AUTS2: variants seen among roughly 807,000 people sequenced by gnomAD.
The protein encoded by AUTS2 is autism susceptibility gene 2 protein.
In AUTS2, 17 loss-of-function variants were observed where a neutral mutation model predicts 112.4. The ratio of observed to expected loss-of-function variants is 0.15; its 90% confidence interval spans 0.10 to 0.23. The LOEUF (loss-of-function observed/expected upper bound fraction) is 0.23. Ranked by LOEUF, AUTS2 falls within the 10% of genes least tolerant of loss-of-function variation. The pLI is 1.00. For synonymous variants in AUTS2, 751 were observed against 702.7 expected, an observed-to-expected ratio of 1.07 and a Z score of -1.09; for missense variants, 1,510 against 1,701.6, an observed-to-expected ratio of 0.89 and a Z score of 1.98.
intron 5 of AUTS2, among the ~76,000 whole-genome samples, chr7:70,616,630 CA>C (rs1374714577): frequency 6.6e-6 from 1 of 152,064 alleles, no homozygotes; most frequent in East Asian, 1.9e-4. Flanking sequence ...GTGGTCAATA[CA>C]TACTTGGCAA....
At chr7:69,832,379 A>C (rs886865073) in intron 1 of AUTS2, among the ~76,000 whole-genome samples, 1 of 152,206 alleles carries the variant, frequency 6.6e-6, no homozygotes, top group African/African-American at 2.4e-5. Flanking sequence ...TGGTAGTTCT[A>C]GAATGACGTT....
chr7:69,629,062 G>A (rs1440327292), intron 1 of AUTS2, among the ~76,000 whole-genome samples: 1 of 152,208 alleles, frequency 6.6e-6, no homozygotes, highest in Non-Finnish European at 1.5e-5. Context: ...TCGTTTATGA[G>A]AAGTTGGTGG....
intron 2 of AUTS2, among the ~76,000 whole-genome samples, chr7:69,959,593 G>A (rs1245565528): frequency 6.6e-6 from 1 of 151,950 alleles, no homozygotes; most frequent in African/African-American, 2.4e-5. Flanking sequence ...CACTTTCTCG[G>A]ATCATGACCT....
intron 5 of AUTS2, among the ~76,000 whole-genome samples, chr7:70,653,928 C>A (rs1363486073): frequency 6.6e-6 from 1 of 152,086 alleles, no homozygotes; most frequent in Non-Finnish European, 1.5e-5. Context: ...GAATGTTTCC[C>A]TTCAGTAATA....
intron 1 of AUTS2, among the ~76,000 whole-genome samples, chr7:69,659,410 TAAATAATTTAAAGGGATG>T (rs1795683466): frequency 6.6e-6 from 1 of 151,800 alleles, no homozygotes; most frequent in South Asian, 2.1e-4. Context: ...TTTCTCTTAT[TAAATAATTTAAAGGGATG>T]ACATTCAGGG....
intron 2 of AUTS2, among the ~76,000 whole-genome samples, chr7:70,025,731 C>T (rs541662476): frequency 2.0e-5 from 3 of 150,856 alleles, no homozygotes; most frequent in Admixed American, 6.6e-5. Flanking sequence ...GCTGGGATTA[C>T]AGGCGTGAGC....
chr7:69,839,432 A>G (rs932136649), intron 1 of AUTS2, among the ~76,000 whole-genome samples: 1 of 152,112 alleles, frequency 6.6e-6, no homozygotes, highest in Admixed American at 6.6e-5. Context: ...ATTATTCCAG[A>G]TTATAGGCAT....
At chr7:70,324,846 T>C (rs1356074984) in intron 4 of AUTS2, among the ~76,000 whole-genome samples, 6 of 152,260 alleles carry the variant, frequency 3.9e-5, no homozygotes, top group African/African-American at 1.4e-4. Context: ...GTATATTTTT[T>C]CTTAGTTTTC....
rs577294255 is a variant in AUTS2, at chr7:70,156,309, G to A, written c.660+21738G>A. Among the ~76,000 whole-genome samples the A allele has an allele frequency of 1.8e-4, 27 of 152,316 alleles. 1 individual carries two copies. In the South Asian group the frequency reaches 3.5e-3, roughly 20 times the overall value. On this transcript the variant is annotated intron_variant, in intron 4 of 18. Transcript: ENST00000342771. Reference sequence around the variant, plus strand: ...CTGTGCCTATCAAATTTCAGCCAAAGCAATTGCTTTCCCAGAATGCCCTGT... The same window carrying A: ...CTGTGCCTATCAAATTTCAGCCAAAACAATTGCTTTCCCAGAATGCCCTGT...
At chr7:70,578,913 TTTTTTTTTCTTTC>T (rs1411923067) in intron 5 of AUTS2, among the ~76,000 whole-genome samples, 1 of 124,382 alleles carries the variant, frequency 8.0e-6, no homozygotes, top group African/African-American at 3.3e-5. Flanking sequence ...CCTTTCTTTC[TTTTTTTTTCTTTC>T]TTTTTTTTTT....
intron 5 of AUTS2, among the ~76,000 whole-genome samples, chr7:70,682,666 C>T (rs1808269961): frequency 6.6e-6 from 1 of 152,202 alleles, no homozygotes; most frequent in African/African-American, 2.4e-5. Flanking sequence ...GTTTCACTTA[C>T]CTATTATTGC....
At chr7:70,264,407 C>T (rs1787319784) in intron 4 of AUTS2, among the ~76,000 whole-genome samples, 1 of 152,098 alleles carries the variant, frequency 6.6e-6, no homozygotes, top group African/African-American at 2.4e-5. Context: ...AGGGTTTCAC[C>T]ATGTTGGCCA....
chr7:69,827,441 G>A (rs960408697), intron 1 of AUTS2, among the ~76,000 whole-genome samples: 1 of 151,872 alleles, frequency 6.6e-6, no homozygotes, highest in Non-Finnish European at 1.5e-5. Context: ...GGGGGAAAAA[G>A]AAGAGGGGAA....
At chr7:70,247,122 C>T (rs1195542000) in intron 4 of AUTS2, among the ~76,000 whole-genome samples, 1 of 152,028 alleles carries the variant, frequency 6.6e-6, no homozygotes, top group East Asian at 1.9e-4. Context: ...ACTCACATAT[C>T]CATTGACTGA....
At chr7:70,777,795 TA>T (rs2129559315) in intron 14 of AUTS2, among the ~76,000 whole-genome samples, 1 of 152,364 alleles carries the variant, frequency 6.6e-6, no homozygotes, top group South Asian at 2.1e-4. Flanking sequence ...CTTTTGGAAA[TA>T]AAATTATAGT....
chr7:70,344,252 C>T (rs552589185), intron 4 of AUTS2, among the ~76,000 whole-genome samples: 4 of 152,024 alleles, frequency 2.6e-5, no homozygotes, highest in Non-Finnish European at 5.9e-5. Context: ...GAATAGAAAT[C>T]AATGAGACCT....
intron 4 of AUTS2, among the ~76,000 whole-genome samples, chr7:70,269,184 C>A (rs1787569588): frequency 6.6e-6 from 1 of 152,200 alleles, no homozygotes; most frequent in Admixed American, 6.5e-5. Flanking sequence ...GCTCAGGTTT[C>A]TATCAATCCT....
chr7:70,054,483 G>T (rs1801902928), intron 2 of AUTS2, among the ~76,000 whole-genome samples: 1 of 152,090 alleles, frequency 6.6e-6, no homozygotes, highest in Non-Finnish European at 1.5e-5. Context: ...TTGCCTGCCT[G>T]TGTTCTCCTT....
intron 4 of AUTS2, among the ~76,000 whole-genome samples, chr7:70,149,252 A>G (rs1273178183): frequency 1.3e-5 from 2 of 152,060 alleles, no homozygotes; most frequent in Non-Finnish European, 2.9e-5. Context: ...TCTCATAGAC[A>G]CAAAATAAGC....
Sources: gnomAD v4.1 joint callset for allele counts (sites outside exome capture counted in the v4.1 genomes callset) on GRCh38, gnomAD v4.1.1 for gene constraint, MANE v1.5 for transcripts, NCBI Gene and HGNC (gene_info 2026-07-23, HGNC 2026-07-21) for gene names.